The following FAT3 variants were observed in gnomAD, a reference collection of about 807,000 sequenced individuals.
FAT3 encodes the protein protocadherin Fat 3.
A neutral mutation model predicts 310.2 loss-of-function variants in FAT3; 95 were observed. The ratio of observed to expected loss-of-function variants is 0.31; its 90% confidence interval spans 0.26 to 0.36. FAT3 has a LOEUF of 0.36. FAT3 is among the 10% of genes least tolerant of loss of function. The probability of loss-of-function intolerance (pLI) is 1.00; values close to 1 mark genes in which losing one functional copy is unlikely to be tolerated. For synonymous variants in FAT3, 2,314 were observed against 2,192.9 expected (o/e 1.06, Z -1.54); for missense variants, 5,408 against 5,715.6 (o/e 0.95, Z 1.74).
At chr11:92,400,818 A>C (rs776810095) in intron 2 of FAT3, 5 of 152,272 alleles carry the variant, frequency 3.3e-5, no homozygotes, top group Middle Eastern at 6.8e-3. Flanking sequence ...TATTCAAAAG[A>C]GTATATAATT....
chr11:92,548,092 A>G (rs762089705), intron 3 of FAT3, among the ~76,000 whole-genome samples: 5 of 152,188 alleles, frequency 3.3e-5, no homozygotes, highest in African/African-American at 4.8e-5. Flanking sequence ...CCAAGGCCTC[A>G]GTATACGCAG....
chr11:92,371,492 G>C (rs768387839), intron 2 of FAT3, among the ~76,000 whole-genome samples: 38 of 152,218 alleles, frequency 2.5e-4, no homozygotes, highest in Admixed American at 6.5e-4. Context: ...GAGGCGGGTG[G>C]ATCACTTGAG....
chr11:92,393,230 C>G (rs1949787475), intron 2 of FAT3, among the ~76,000 whole-genome samples: 1 of 151,036 alleles, frequency 6.6e-6, no homozygotes, highest in Non-Finnish European at 1.5e-5. Flanking sequence ...ACATGTGTAC[C>G]TGTGTGTGTG....
chr11:92,644,530 A>C (rs534344437), intron 3 of FAT3, among the ~76,000 whole-genome samples: 1 of 152,130 alleles, frequency 6.6e-6, no homozygotes, highest in Non-Finnish European at 1.5e-5. Context: ...CTAAAATAAA[A>C]TGTTCACTTC....
intron 1 of FAT3, among the ~76,000 whole-genome samples, chr11:92,346,279 G>A (rs1002349292): frequency 6.6e-6 from 1 of 152,146 alleles, no homozygotes; most frequent in Admixed American, 6.5e-5. Flanking sequence ...ACTCATCATT[G>A]CAAGGAGAAA....
chr11:92,850,795 G>A (rs1254137709), intron 19 of FAT3, among the ~76,000 whole-genome samples: 5 of 152,322 alleles, frequency 3.3e-5, no homozygotes, highest in South Asian at 4.1e-4. Flanking sequence ...GGGGCTGCGG[G>A]AATGCTGGGG....
intron 1 of FAT3, among the ~76,000 whole-genome samples, chr11:92,302,485 C>T (rs1303003242): frequency 6.6e-6 from 1 of 151,000 alleles, no homozygotes; most frequent in Non-Finnish European, 1.5e-5. Context: ...TTCTTTCAGC[C>T]TTGGCACCAT....
intron 2 of FAT3, among the ~76,000 whole-genome samples, chr11:92,360,879 G>A (rs1565257897): frequency 6.6e-6 from 1 of 152,170 alleles, no homozygotes; most frequent in Non-Finnish European, 1.5e-5. Flanking sequence ...TCTGGTAGCT[G>A]TTCAGAGCTG....
intron 21 of FAT3, among the ~76,000 whole-genome samples, chr11:92,866,402 G>T (rs1257243302): frequency 1.3e-5 from 2 of 152,176 alleles, no homozygotes; most frequent in East Asian, 3.9e-4. Flanking sequence ...TAAGAAGGGT[G>T]CAGAGAATAA....
At chr11:92,371,265 G>T (rs1396813161) in intron 2 of FAT3, among the ~76,000 whole-genome samples, 1 of 152,164 alleles carries the variant, frequency 6.6e-6, no homozygotes, top group African/African-American at 2.4e-5. Context: ...ACATATTATG[G>T]ATGAGAAACA....
chr11:92,664,958 G>T (rs1343312617), intron 3 of FAT3, among the ~76,000 whole-genome samples: 3 of 152,122 alleles, frequency 2.0e-5, no homozygotes, highest in Admixed American at 2.0e-4. Context: ...CTTGTAATTT[G>T]GTCATATGTT....
At chr11:92,415,487 T>C (rs900842751) in intron 2 of FAT3, among the ~76,000 whole-genome samples, 2 of 152,202 alleles carry the variant, frequency 1.3e-5, no homozygotes, top group African/African-American at 4.8e-5. Flanking sequence ...GCAGCAGGAT[T>C]GCATTTGATT....
chr11:92,438,312 A>T (rs953401827), intron 2 of FAT3, among the ~76,000 whole-genome samples: 6 of 152,194 alleles, frequency 3.9e-5, no homozygotes, highest in African/African-American at 1.2e-4. Context: ...GATCTTATTT[A>T]AAAAATATGT....
intron 3 of FAT3, among the ~76,000 whole-genome samples, chr11:92,564,010 T>G (rs558981376): frequency 1.3e-5 from 2 of 151,540 alleles, no homozygotes; most frequent in East Asian, 3.9e-4. Context: ...AACATCATAA[T>G]GACAAGATCA....
intron 1 of FAT3, among the ~76,000 whole-genome samples, chr11:92,295,595 A>AG (rs1171066790): frequency 6.6e-6 from 1 of 152,128 alleles, no homozygotes. Flanking sequence ...TTAGTCTTCT[A>AG]GAAATTTTTT....
rs534564245 is a variant in FAT3, at chr11:92,727,200, A to G, written c.3669+29755A>G. 2.5e-4 allele frequency among the ~76,000 whole-genome samples: 38 copies of G among 152,330 alleles called. 1 individual carries two copies. The South Asian group carries it at 7.9e-3, about 32-fold the overall frequency. On this transcript the variant is annotated intron_variant, in intron 4 of 27. Coordinates refer to ENST00000525166, the MANE Select transcript of FAT3 (RefSeq NM_001367949.2). ...CGTTTTATATATTGTTTATTTCAGC[A>G]TATTGATTTTTAGCAATTTGGCTTC...
At chr11:92,339,502 A>G (rs1045665444) in intron 1 of FAT3, among the ~76,000 whole-genome samples, 3 of 152,238 alleles carry the variant, frequency 2.0e-5, no homozygotes, top group African/African-American at 4.8e-5. Flanking sequence ...TTTATAGTCA[A>G]GTTGGAGTAA....
intron 4 of FAT3, among the ~76,000 whole-genome samples, chr11:92,697,712 C>G (rs555830974): frequency 1.3e-5 from 2 of 152,122 alleles, no homozygotes; most frequent in Non-Finnish European, 2.9e-5. Flanking sequence ...TTCAGGCCCT[C>G]GTGTCAATAA....
intron 1 of FAT3, chr11:92,314,394 G>A (rs2134466254): frequency 1.8e-6 from 1 of 544,638 alleles, no homozygotes; most frequent in Middle Eastern, 8.8e-4. Flanking sequence ...CATGAAACAA[G>A]GAAAATGCTG....
Sources: gnomAD v4.1 joint callset for allele counts (sites outside exome capture counted in the v4.1 genomes callset) on GRCh38, gnomAD v4.1.1 for gene constraint, MANE v1.5 for transcripts, NCBI Gene and HGNC (gene_info 2026-07-23, HGNC 2026-07-21) for gene names.